Variants in GALNTL5 observed in about 807,000 individuals in gnomAD.
GALNTL5 encodes the protein polypeptide N-acetylgalactosaminyltransferase like 5, also known as inactive polypeptide N-acetylgalactosaminyltransferase-like protein 5.
GALNTL5 carries 44 observed loss-of-function variants against 51.0 expected under a neutral mutation model. That is an observed-to-expected ratio of 0.86 (90% CI 0.68 to 1.11). GALNTL5 has a LOEUF of 1.11. GALNTL5 is among the 50% of genes least tolerant of loss of function. The pLI, the probability that GALNTL5 is intolerant of heterozygous loss-of-function variation, is 0.00. For missense variants in GALNTL5, 528 were observed against 531.8 expected (o/e 0.99, Z 0.07); for synonymous variants, 192 against 182.8 (o/e 1.05, Z -0.41).
intron 4 of GALNTL5, among the ~76,000 whole-genome samples, chr7:151,984,735 G>A (rs1268181481): frequency 6.6e-6 from 1 of 152,134 alleles, no homozygotes; most frequent in African/African-American, 2.4e-5. Flanking sequence ...AGCATGTTTG[G>A]TGACTTGCTG....
chr7:152,000,646 T>C (rs80272447), intron 5 of GALNTL5, among the ~76,000 whole-genome samples: 2,887 of 152,278 alleles, frequency 0.019, 95 homozygotes, highest in African/African-American at 0.066. Context: ...CACTGTGATT[T>C]TTATTAACGT....
At chr7:152,001,740 G>C (rs191653703) in intron 5 of GALNTL5, among the ~76,000 whole-genome samples, 28 of 152,094 alleles carry the variant, frequency 1.8e-4, no homozygotes, top group African/African-American at 6.7e-4. Context: ...ATGACTTTTA[G>C]GATCAATTTC....
chr7:152,017,433 T>G (rs1051548770), intron 8 of GALNTL5, among the ~76,000 whole-genome samples: 1 of 152,216 alleles, frequency 6.6e-6, no homozygotes, highest in African/African-American at 2.4e-5. Context: ...GGTACATGAC[T>G]GTACCTACAA....
chr7:151,998,180 G>C (rs1333866619), intron 5 of GALNTL5, among the ~76,000 whole-genome samples: 1 of 152,182 alleles, frequency 6.6e-6, no homozygotes, highest in Non-Finnish European at 1.5e-5. Context: ...CTCCACTCCA[G>C]CCTGGGCAAC....
chr7:152,014,611 C>A, intron 7 of GALNTL5, 33 bp from the exon 8 acceptor site: 1 of 1,572,710 alleles, frequency 6.4e-7, no homozygotes, highest in South Asian at 1.2e-5. Flanking sequence ...AGTAATAATG[C>A]ATTCGTATGT....
At chr7:152,006,711 A>AT (rs1430508912) in intron 6 of GALNTL5, among the ~76,000 whole-genome samples, 1 of 152,152 alleles carries the variant, frequency 6.6e-6, no homozygotes. Flanking sequence ...TCCCTAAAAC[A>AT]TAGGTGCTCA....
At chr7:152,019,617 G>A (rs774766044) in intron 8 of GALNTL5, 29 bp from the exon 9 acceptor site, 13 of 1,585,408 alleles carry the variant, frequency 8.2e-6, no homozygotes, top group Middle Eastern at 1.7e-4. Flanking sequence ...TTGGTTGAAC[G>A]TAACGACTGA....
chr7:151,970,824 C>T (rs1012091584), intron 2 of GALNTL5, 121 bp from the exon 3 acceptor site: 2 of 766,472 alleles, frequency 2.6e-6, no homozygotes, highest in East Asian at 3.1e-5. Context: ...TTGCACAGAT[C>T]GATTTCCGAA....
At position 151,968,856 on chromosome 7, in the gene GALNTL5, G is replaced by C. The variant is rs557992690; in HGVS notation, c.247+1363G>C. The stretch of plus-strand genomic sequence containing the variant: ...AAAGCCATCACTTTGGTCTTAATTT[G>C]TATTTCCCTGATGACTAATGATTTT... On this transcript the variant is annotated intron_variant, in intron 2 of 8. Transcript: ENST00000392800. 2.6e-5 allele frequency among the ~76,000 whole-genome samples: 4 copies of C among 152,236 alleles called. No individual in the cohort carries two copies. In the South Asian group the frequency reaches 8.3e-4, roughly 32 times the overall value.
At chr7:152,016,988 A>C (rs2081824894) in intron 8 of GALNTL5, among the ~76,000 whole-genome samples, 1 of 151,726 alleles carries the variant, frequency 6.6e-6, no homozygotes, top group African/African-American at 2.4e-5. Flanking sequence ...CAGTGAGCCA[A>C]GATCACACCA....
intron 8 of GALNTL5, among the ~76,000 whole-genome samples, chr7:152,017,733 C>G (rs974472349): frequency 2.6e-5 from 4 of 152,114 alleles, no homozygotes; most frequent in Non-Finnish European, 4.4e-5. Flanking sequence ...TAAATAGTTC[C>G]TTTAACTGGA....
At chr7:151,986,831 G>A (rs1406536347) in intron 4 of GALNTL5, among the ~76,000 whole-genome samples, 1 of 151,084 alleles carries the variant, frequency 6.6e-6, no homozygotes, top group Non-Finnish European at 1.5e-5. Context: ...GGGTTCAAGC[G>A]ATTCTTTTGC....
At chr7:151,980,186 T>G (rs1477617434) in intron 3 of GALNTL5, among the ~76,000 whole-genome samples, 1 of 151,876 alleles carries the variant, frequency 6.6e-6, no homozygotes, top group Non-Finnish European at 1.5e-5. Flanking sequence ...TGGGTTCAAG[T>G]GATTCTCCTG....
rs575658831 is a variant in GALNTL5, at chr7:151,990,580, C to CAAAAAAAAAAAAAAAAT, written c.658+3311_658+3312insAAAATAAAAAAAAAAAA. 9.2e-5 allele frequency among the ~76,000 whole-genome samples: 2 copies of CAAAAAAAAAAAAAAAAT among 21,658 alleles called. 1 individual carries two copies. Among genetic ancestry groups the CAAAAAAAAAAAAAAAAT allele is most frequent in the East Asian group, 4.2e-3 (2 of 480 alleles). The allele number at this position is 21,658 out of a possible 152,430, so 14.2% of individuals were successfully genotyped here. ...TGGGCGACAGAGCGAGACTCCATCT[C>CAAAAAAAAAAAAAAAAT]AAAAAAAAAAAAGCCCACTTTCTCT... On this transcript the variant is annotated intron_variant, in intron 5 of 8. Coordinates refer to ENST00000392800, the MANE Select transcript of GALNTL5 (RefSeq NM_145292.4).
intron 7 of GALNTL5, 131 bp from the exon 8 acceptor site, chr7:152,014,513 C>T: frequency 2.6e-6 from 2 of 773,426 alleles, no homozygotes; most frequent in Non-Finnish European, 4.0e-6. Flanking sequence ...GGTGATCTGA[C>T]TGCCTTGGCC....
At chr7:151,975,054 G>A (rs894490910) in intron 3 of GALNTL5, among the ~76,000 whole-genome samples, 7 of 152,098 alleles carry the variant, frequency 4.6e-5, no homozygotes, top group African/African-American at 1.7e-4. Flanking sequence ...TTTCATTTTA[G>A]CTTTCCCTTA....
chr7:151,958,581 G>C (rs574435709), intron 1 of GALNTL5, among the ~76,000 whole-genome samples: 1 of 152,254 alleles, frequency 6.6e-6, no homozygotes, highest in Non-Finnish European at 1.5e-5. Context: ...GTGTGTTGCA[G>C]CTCATTTGTG....
intron 3 of GALNTL5, among the ~76,000 whole-genome samples, chr7:151,979,742 C>T (rs997214137): frequency 1.3e-5 from 2 of 152,180 alleles, no homozygotes; most frequent in Non-Finnish European, 2.9e-5. Context: ...CAGGCATGAG[C>T]CACTGCACCT....
intron 7 of GALNTL5, among the ~76,000 whole-genome samples, chr7:152,013,302 C>A: frequency 6.6e-6 from 1 of 152,000 alleles, no homozygotes; most frequent in East Asian, 1.9e-4. Flanking sequence ...ATGCATTTTA[C>A]CCATGTAACA....
Sources: gnomAD v4.1 joint callset for allele counts (sites outside exome capture counted in the v4.1 genomes callset) on GRCh38, gnomAD v4.1.1 for gene constraint, MANE v1.5 for transcripts, NCBI Gene and HGNC (gene_info 2026-07-23, HGNC 2026-07-21) for gene names.